The following MED21 variants were observed in gnomAD, a reference collection of about 807,000 sequenced individuals.
MED21 encodes the protein mediator of RNA polymerase II transcription subunit 21.
MED21 carries 9 observed loss-of-function variants against 18.2 expected under a neutral mutation model. That is an observed-to-expected ratio of 0.49 (90% CI 0.30 to 0.86). The LOEUF (loss-of-function observed/expected upper bound fraction) is 0.86. Among genes scored for constraint, MED21 ranks in the 40% least tolerant of loss-of-function variants. MED21 has a pLI of 0.07. For synonymous variants in MED21, 73 were observed against 60.5 expected, an observed-to-expected ratio of 1.21 and a Z score of -0.96; for missense variants, 150 against 170.9, an observed-to-expected ratio of 0.88 and a Z score of 0.68.
rs897800684 is a variant in MED21 at position 27,029,445 on chromosome 12, G to A, written c.*984G>A. The A allele has an allele frequency of 3.0e-6, 3 of 985,140 alleles. No homozygotes were observed. In the African/African-American group the frequency reaches 5.2e-5, roughly 17 times the overall value. The allele number at this position is 985,140 out of a possible 1,614,324, so 61.0% of individuals were successfully genotyped here. ...CACTGGAAAGGTGGAATTGAAATGT[G>A]GTCCACATTTTAACTAGCTATTTCC... On this transcript the variant is annotated 3_prime_UTR_variant, in exon 4 of 4. Coordinates refer to ENST00000282892, the MANE Select transcript of MED21 (RefSeq NM_004264.5).
In MED21 at chr12:27,029,358, A is replaced by G; in HGVS notation, c.*897A>G. On this transcript the variant is annotated 3_prime_UTR_variant, in exon 4 of 4. Coordinates refer to ENST00000282892, the MANE Select transcript of MED21 (RefSeq NM_004264.5). ...TTATTGCCAAATAATAATTTGTGTCAGCATTTTCAACTATGGTTATTCATC... is the reference window on the plus strand; with the variant it reads ...TTATTGCCAAATAATAATTTGTGTCGGCATTTTCAACTATGGTTATTCATC... The G allele has an allele frequency of 1.0e-6, 1 of 985,436 alleles. No homozygotes were observed. Among genetic ancestry groups the G allele is most frequent in the Non-Finnish European group, 1.2e-6 (1 of 829,902 alleles). 61.0% of individuals were successfully genotyped at this position (985,436 alleles called of 1,614,324 possible).
At chr12:27,036,619 G>C (rs141505622) in intron 2 of MED21, among the ~76,000 whole-genome samples, 24,901 of 152,108 alleles carry the variant, frequency 0.16, 2,344 homozygotes, top group African/African-American at 0.26. Flanking sequence ...TTTTGTATAA[G>C]CTGTAAAGAA....
In MED21 at chr12:27,030,132, GT is replaced by G. The variant is rs771307109; in HGVS notation, c.*1673del. ...TGTAGAGGATATACAGTTTTTTTTT[GT>G]TGTTCTTGTTTCTGTTTTTTTAAGG... On this transcript the variant is annotated 3_prime_UTR_variant, in exon 4 of 4. Transcript: ENST00000282892. 1.6e-6 allele frequency: 1 copy of G among 623,066 alleles called. No individual in the cohort carries two copies. 38.6% of individuals were successfully genotyped at this position (623,066 alleles called of 1,614,324 possible).
chr12:27,032,839 G>A (rs1454884092), downstream of MED21, among the ~76,000 whole-genome samples: 6 of 152,148 alleles, frequency 3.9e-5, no homozygotes, highest in Admixed American at 1.3e-4. Flanking sequence ...TCCCTTCCCC[G>A]TAAGCCACTG....
intron 2 of MED21, chr12:27,037,738 AG>A (rs1450214538): frequency 6.6e-6 from 1 of 152,222 alleles, no homozygotes; most frequent in Non-Finnish European, 1.5e-5. Flanking sequence ...GAATATTCAA[AG>A]GGCAGCTGTT....
At chr12:27,023,994 C>T (rs960386052) in intron 1 of MED21, among the ~76,000 whole-genome samples, 1 of 152,162 alleles carries the variant, frequency 6.6e-6, no homozygotes, top group African/African-American at 2.4e-5. Context: ...CACTAAGGAA[C>T]GCATTGCGCT....
rs915788013 is a variant in MED21, at chr12:27,028,151, G to A, written c.259-134G>A. 5.2e-6 allele frequency: 6 copies of A among 1,151,666 alleles called. No individual in the cohort carries two copies. The African/African-American group carries it at 9.3e-5, about 18-fold the overall frequency. 71.3% of individuals were successfully genotyped at this position (1,151,666 alleles called of 1,614,324 possible). On this transcript the variant is annotated intron_variant, in intron 3 of 3. Coordinates refer to ENST00000282892, the MANE Select transcript of MED21 (RefSeq NM_004264.5). The stretch of plus-strand genomic sequence containing the variant: ...CACATGGGGAAAATTCTTAAAAGTT[G>A]TCTGATTTTTAGAATTTCTTTACTG...
chr12:27,030,481 A>G lies in MED21; in HGVS notation c.*2020A>G, dbSNP rs1941606375. On this transcript the variant is annotated 3_prime_UTR_variant, in exon 4 of 4. Coordinates refer to ENST00000282892, the MANE Select transcript of MED21 (RefSeq NM_004264.5). Reference sequence around the variant, plus strand: ...AGATTATTTTCAAAAGCATTAATAAATTAAGGTGGAATACTAAAAAAGATT... The same window carrying G: ...AGATTATTTTCAAAAGCATTAATAAGTTAAGGTGGAATACTAAAAAAGATT... The G allele has an allele frequency of 3.1e-6, 1 of 321,912 alleles. No individual in the cohort carries two copies. Among genetic ancestry groups the G allele is most frequent in the South Asian group, 1.6e-4 (1 of 6,388 alleles). 19.9% of individuals were successfully genotyped at this position (321,912 alleles called of 1,614,324 possible).
Position 27,028,271 on chromosome 12 carries a change from TG to T in MED21, c.259-13del, listed in dbSNP as rs1239802892. On this transcript the variant is annotated splice_polypyrimidine_tract_variant and intron_variant, in intron 3 of 3. Coordinates refer to ENST00000282892, the MANE Select transcript of MED21 (RefSeq NM_004264.5). The stretch of plus-strand genomic sequence containing the variant: ...TCTAAACTCTAAAGATTTTAAAATT[TG>T]TGTCTTATAAAGGCTGCTAGCTTGT... 6.3e-7 allele frequency: 1 copy of T among 1,584,438 alleles called. No individual in the cohort carries two copies. The highest frequency in any genetic ancestry group is 8.6e-7 in the Non-Finnish European group (1 of 1,164,634).
chr12:27,026,955 G>T (rs1338539012), intron 2 of MED21, among the ~76,000 whole-genome samples: 2 of 151,744 alleles, frequency 1.3e-5, no homozygotes, highest in Non-Finnish European at 2.9e-5. Context: ...TTGAGACGGA[G>T]TCTCGCTCTG....
rs1273220665 is a variant in MED21 at position 27,028,462 on chromosome 12, C to A, written c.*1C>A. 3 of 1,612,616 alleles carry A rather than the reference C, an allele frequency of 1.9e-6. No homozygotes were observed. Among genetic ancestry groups the A allele is most frequent in the East Asian group, 4.5e-5 (2 of 44,862 alleles). On this transcript the variant is annotated 3_prime_UTR_variant, in exon 4 of 4. Transcript: ENST00000282892. ...TAGCCAGTCTCTTCCAGACTCATAGCATCAGTGGATACCATGTGGCTGAGA... is the reference window on the plus strand; with the variant it reads ...TAGCCAGTCTCTTCCAGACTCATAGAATCAGTGGATACCATGTGGCTGAGA...
Position 27,029,689 on chromosome 12 carries a change from A to C in MED21, c.*1228A>C. On this transcript the variant is annotated 3_prime_UTR_variant, in exon 4 of 4. Coordinates refer to ENST00000282892, the MANE Select transcript of MED21 (RefSeq NM_004264.5). ...GCAGCAATTTATTGGCTAGTCATAG[A>C]AAATTTTTGAACTTTTAACTGTATT... 6.1e-6 allele frequency: 6 copies of C among 985,450 alleles called. No individual in the cohort carries two copies. Among genetic ancestry groups the C allele is most frequent in the Non-Finnish European group, 7.2e-6 (6 of 829,916 alleles). 61.0% of individuals were successfully genotyped at this position (985,450 alleles called of 1,614,324 possible). A position where few individuals can be genotyped will look rare whatever the true frequency, so the allele number is the denominator to read the frequency against.
chr12:27,032,351 C>G (rs1941625354), downstream of MED21, among the ~76,000 whole-genome samples: 1 of 152,178 alleles, frequency 6.6e-6, no homozygotes, highest in African/African-American at 2.4e-5. Flanking sequence ...AGCTAAGACC[C>G]TTCAGGTTGG....
intron 1 of MED21, among the ~76,000 whole-genome samples, chr12:27,025,379 T>A (rs1004358055): frequency 6.6e-6 from 1 of 152,192 alleles, no homozygotes; most frequent in African/African-American, 2.4e-5. Context: ...CTTAGATTAT[T>A]GAAAGCTTCA....
chr12:27,029,514 A>C lies in MED21; in HGVS notation c.*1053A>C, dbSNP rs182002144. 1.0e-6 allele frequency: 1 copy of C among 985,318 alleles called. No homozygotes were observed. The highest frequency in any genetic ancestry group is 6.2e-5 in the Admixed American group (1 of 16,256). The allele number at this position is 985,318 out of a possible 1,614,324, so 61.0% of individuals were successfully genotyped here. A position where few individuals can be genotyped will look rare whatever the true frequency, so the allele number is the denominator to read the frequency against. On this transcript the variant is annotated 3_prime_UTR_variant, in exon 4 of 4. Transcript: ENST00000282892. ...AATATGCTGAGCTACATTTGCTGCA[A>C]TCTGTTGCTATTCAGAGTTTAAGTT...
At chr12:27,035,379 C>A (rs1271383052), downstream of MED21, among the ~76,000 whole-genome samples, 2 of 150,242 alleles carry the variant, frequency 1.3e-5, no homozygotes, top group Non-Finnish European at 3.0e-5. Context: ...AGTAACAGTA[C>A]CAAAATTAAA....
At chr12:27,028,237 G>C in intron 3 of MED21, 48 bp from the exon 4 acceptor site, 1 of 1,504,236 alleles carries the variant, frequency 6.6e-7, no homozygotes. Flanking sequence ...ATCTGTGACA[G>C]CTTCTCTTTC....
intron 2 of MED21, chr12:27,037,736 A>G (rs1941658534): frequency 6.6e-6 from 1 of 152,344 alleles, no homozygotes; most frequent in African/African-American, 2.4e-5. Flanking sequence ...TGGAATATTC[A>G]AAGGGCAGCT....
intron 1 of MED21, among the ~76,000 whole-genome samples, chr12:27,024,158 T>TA (rs1474603189): frequency 2.0e-4 from 30 of 152,342 alleles, no homozygotes; most frequent in Admixed American, 4.6e-4. Flanking sequence ...CATTACGAGT[T>TA]AGATTGTTTT....
Sources: gnomAD v4.1 joint callset for allele counts (sites outside exome capture counted in the v4.1 genomes callset) on GRCh38, gnomAD v4.1.1 for gene constraint, MANE v1.5 for transcripts, NCBI Gene and HGNC (gene_info 2026-07-23, HGNC 2026-07-21) for gene names.